The following PAPPA2 variants were observed in gnomAD, a reference collection of about 807,000 sequenced individuals.
The protein encoded by PAPPA2 is pappalysin 2, also known as pappalysin-2.
PAPPA2 carries 86 observed loss-of-function variants against 176.4 expected under a neutral mutation model. The ratio of observed to expected loss-of-function variants is 0.49; its 90% confidence interval spans 0.41 to 0.58. The LOEUF (loss-of-function observed/expected upper bound fraction) is 0.58. PAPPA2 is among the 20% of genes least tolerant of loss of function. The probability of loss-of-function intolerance (pLI) is 0.00; values close to 1 mark genes in which losing one functional copy is unlikely to be tolerated. For synonymous variants in PAPPA2, 809 were observed against 852.2 expected, an observed-to-expected ratio of 0.95 and a Z score of 0.88; for missense variants, 2,073 against 2,256.9, an observed-to-expected ratio of 0.92 and a Z score of 1.65.
At chr1:176,734,976 T>A (rs958493386) in intron 12 of PAPPA2, among the ~76,000 whole-genome samples, 12 of 152,234 alleles carry the variant, frequency 7.9e-5, no homozygotes, top group African/African-American at 2.6e-4. Context: ...ATCTATGATT[T>A]CCTGCTTACC....
At chr1:176,517,602 G>A (rs1477966386) in intron 1 of PAPPA2, among the ~76,000 whole-genome samples, 1 of 152,140 alleles carries the variant, frequency 6.6e-6, no homozygotes, top group Admixed American at 6.5e-5. Context: ...TGGCTAATAT[G>A]GGGACTGATG....
chr1:176,639,103 T>G (rs2102723135), intron 3 of PAPPA2, among the ~76,000 whole-genome samples: 1 of 152,174 alleles, frequency 6.6e-6, no homozygotes, highest in East Asian at 1.9e-4. Flanking sequence ...CCATCCATCC[T>G]TCTTTTTAGC....
At chr1:176,470,601 T>C (rs758704246) in intron 1 of PAPPA2, among the ~76,000 whole-genome samples, 2 of 152,064 alleles carry the variant, frequency 1.3e-5, no homozygotes, top group South Asian at 2.1e-4. Flanking sequence ...ATAGAACTAA[T>C]TGGAGGAAAG....
intron 1 of PAPPA2, among the ~76,000 whole-genome samples, chr1:176,551,827 G>A (rs984114888): frequency 1.3e-5 from 2 of 152,108 alleles, no homozygotes; most frequent in South Asian, 2.1e-4. Flanking sequence ...CTTTAGGGGG[G>A]TGGGTGTCTG....
intron 12 of PAPPA2, among the ~76,000 whole-genome samples, chr1:176,728,313 G>T (rs1661977683): frequency 1.3e-5 from 2 of 151,846 alleles, no homozygotes; most frequent in Admixed American, 1.3e-4. Context: ...GCATTGAAAA[G>T]AGAACAACCT....
At chr1:176,832,983 C>T (rs1040457) in intron 21 of PAPPA2, among the ~76,000 whole-genome samples, 82,807 of 151,912 alleles carry the variant, frequency 0.55, 23,326 homozygotes, top group East Asian at 0.72. Flanking sequence ...TTACACAGGC[C>T]GTGGTTTGAG....
chr1:176,657,447 TC>T (rs1658095496), intron 3 of PAPPA2, among the ~76,000 whole-genome samples: 1 of 151,974 alleles, frequency 6.6e-6, no homozygotes, highest in Admixed American at 6.6e-5. Flanking sequence ...CATGATTAGA[TC>T]TGCCATTTTT....
rs1223169581 is a variant in PAPPA2 at position 176,699,101 on chromosome 1, G to A, written c.2748G>A (p.Gly916=). 1 of 1,607,734 alleles carries A rather than the reference G, an allele frequency of 6.2e-7. No homozygotes were observed. The highest frequency in any genetic ancestry group is 8.5e-7 in the Non-Finnish European group (1 of 1,175,580). Reference sequence around the variant, plus strand: ...ATCTTTCTGCTAATCTCCCCCCAGGGCCTCCTGATGTGGATCAGCCCTGCG... The same window carrying A: ...ATCTTTCTGCTAATCTCCCCCCAGGACCTCCTGATGTGGATCAGCCCTGCG... ...SGYWTPEEAV[G]PPDVDQPCEP... The change falls in exon 8 of 23, where the codon GGG becomes GGA. Residue 916 remains glycine (G), a splice_region_variant and synonymous_variant. Coordinates refer to ENST00000367662, the MANE Select transcript of PAPPA2 (RefSeq NM_020318.3).
intron 4 of PAPPA2, among the ~76,000 whole-genome samples, chr1:176,679,348 A>G (rs1220747634): frequency 6.6e-6 from 1 of 152,122 alleles, no homozygotes; most frequent in Non-Finnish European, 1.5e-5. Context: ...ATCTACATCC[A>G]TGTTTCCAAC....
At chr1:176,661,721 C>T (rs996132085) in intron 3 of PAPPA2, among the ~76,000 whole-genome samples, 10 of 151,850 alleles carry the variant, frequency 6.6e-5, no homozygotes, top group Admixed American at 3.3e-4. Flanking sequence ...CACAACTGAT[C>T]GTAGACTGTA....
At chr1:176,584,649 T>C (rs1174113982) in intron 2 of PAPPA2, among the ~76,000 whole-genome samples, 1 of 151,734 alleles carries the variant, frequency 6.6e-6, no homozygotes, top group East Asian at 1.9e-4. Flanking sequence ...TTGTTTTGTA[T>C]ATTCTTTATT....
intron 1 of PAPPA2, among the ~76,000 whole-genome samples, chr1:176,503,834 T>C (rs908702699): frequency 6.6e-6 from 1 of 152,154 alleles, no homozygotes; most frequent in East Asian, 1.9e-4. Context: ...AGTTCATCAG[T>C]GGCAATTTTT....
chr1:176,539,976 G>A (rs984766416), intron 1 of PAPPA2, among the ~76,000 whole-genome samples: 3 of 152,198 alleles, frequency 2.0e-5, no homozygotes, highest in East Asian at 1.9e-4. Flanking sequence ...TGTGGGTACT[G>A]TTCCAACCTT....
chr1:176,649,147 A>G (rs1264504345), intron 3 of PAPPA2, among the ~76,000 whole-genome samples: 1 of 151,134 alleles, frequency 6.6e-6, no homozygotes, highest in Admixed American at 6.6e-5. Flanking sequence ...TTATTTCTTC[A>G]TGGTTCAATC....
intron 9 of PAPPA2, among the ~76,000 whole-genome samples, chr1:176,705,199 G>A (rs962750689): frequency 2.0e-5 from 3 of 152,100 alleles, no homozygotes; most frequent in Non-Finnish European, 4.4e-5. Flanking sequence ...TCTTTTCATT[G>A]AACCACATTG....
intron 12 of PAPPA2, among the ~76,000 whole-genome samples, chr1:176,724,709 A>C (rs1443325208): frequency 6.6e-6 from 1 of 152,202 alleles, no homozygotes; most frequent in East Asian, 1.9e-4. Context: ...CTGACTGTGA[A>C]TCTTCAACAG....
intron 3 of PAPPA2, among the ~76,000 whole-genome samples, chr1:176,610,668 A>G (rs1016664685): frequency 6.6e-6 from 1 of 152,210 alleles, no homozygotes; most frequent in Non-Finnish European, 1.5e-5. Flanking sequence ...CCTGAAGCAC[A>G]TACAAGGTCT....
In PAPPA2 at chr1:176,752,342, TAAAAA is replaced by T. The variant is rs58591760; in HGVS notation, c.4151+12165_4151+12169del. 3.2e-3 allele frequency among the ~76,000 whole-genome samples: 309 copies of T among 96,488 alleles called. 1 individual carries two copies. The highest frequency in any genetic ancestry group is 0.014 in the Middle Eastern group (2 of 144). 63.3% of individuals were successfully genotyped at this position (96,488 alleles called of 152,430 possible). A position where few individuals can be genotyped will look rare whatever the true frequency, so the allele number is the denominator to read the frequency against. ...ATGTACCCTAAAACTTAGAGTATAA[TAAAAA>T]AAAAAAAAAAAAAAAAAACATTTAC... On this transcript the variant is annotated intron_variant, in intron 14 of 22. Coordinates refer to ENST00000367662, the MANE Select transcript of PAPPA2 (RefSeq NM_020318.3).
intron 3 of PAPPA2, among the ~76,000 whole-genome samples, chr1:176,631,151 T>A (rs926864570): frequency 6.6e-6 from 1 of 152,168 alleles, no homozygotes; most frequent in Non-Finnish European, 1.5e-5. Flanking sequence ...ATTTCTCAAA[T>A]GAGTATGGGG....
Sources: allele counts gnomAD v4.1 joint callset (sites outside exome capture counted in the v4.1 genomes callset), GRCh38; gene constraint gnomAD v4.1.1; transcripts MANE v1.5; gene names NCBI Gene and HGNC (gene_info 2026-07-23, HGNC 2026-07-21).